The following MZT2A variants were observed in gnomAD, a reference collection of about 807,000 sequenced individuals.
The protein encoded by MZT2A is mitotic-spindle organizing protein 2A.
A neutral mutation model predicts 12.4 loss-of-function variants in MZT2A; 8 were observed. That is an observed-to-expected ratio of 0.64 (90% CI 0.38 to 1.16). The LOEUF (loss-of-function observed/expected upper bound fraction) is 1.16, where lower values mean the gene tolerates loss of function less well. MZT2A is among the 50% of genes most tolerant of loss of function. The probability of loss-of-function intolerance (pLI) is 0.01; values close to 1 mark genes in which losing one functional copy is unlikely to be tolerated. For synonymous variants in MZT2A, 88 were observed against 107.5 expected (o/e 0.82, Z 1.12); for missense variants, 181 against 223.6 (o/e 0.81, Z 1.22).
At chr2:131,476,979 T>A (rs1430841379) in intron 2 of MZT2A, among the ~76,000 whole-genome samples, 7 of 144,478 alleles carry the variant, frequency 4.8e-5, no homozygotes, top group African/African-American at 1.9e-4. Flanking sequence ...GATTCCCAAG[T>A]CCCAAGTCTG....
chr2:131,491,031 C>G (rs1679274791), intron 2 of MZT2A: 2 of 1,303,036 alleles, frequency 1.5e-6, no homozygotes, highest in African/African-American at 1.5e-5. Context: ...AGGCAGCCTG[C>G]TTTCCACGCC....
chr2:131,475,954 T>G, intron 2 of MZT2A: 2 of 698,130 alleles, frequency 2.9e-6, no homozygotes, highest in Admixed American at 3.0e-5. Context: ...TGACCCCCGC[T>G]GCCTTCCCGC....
chr2:131,484,090 C>T lies in MZT2A; in HGVS notation c.448G>A (p.Gly150Arg), dbSNP rs374874707. 8.2e-5 allele frequency: 133 copies of T among 1,613,384 alleles called. No homozygotes were observed. The highest frequency in any genetic ancestry group is 1.1e-4 in the Non-Finnish European group (130 of 1,179,600). The change falls in exon 3 of 3, where the codon GGG (glycine) becomes AGG (arginine). Residue 150 changes from glycine to arginine, a missense_variant. By Grantham distance (125) the Gly-to-Arg change is moderately radical. Transcript: ENST00000309451. Reference sequence around the variant, plus strand: ...GTGCTGCCCTGCGTAGGGCTCTTCCCAGGCCCGCCCCCCTTGGGCAGCCTG... The same window carrying T: ...GTGCTGCCCTGCGTAGGGCTCTTCCTAGGCCCGCCCCCCTTGGGCAGCCTG... ...ATRLPKGGGPGKSPTQGST is the reference protein window; with the variant it reads ...ATRLPKGGGPRKSPTQGST
intron 3 of MZT2A, among the ~76,000 whole-genome samples, chr2:131,471,581 A>G (rs1052683521): frequency 2.6e-5 from 4 of 151,258 alleles, no homozygotes; most frequent in Non-Finnish European, 4.4e-5. Context: ...AATCAGCCAC[A>G]TTTTAACATA....
rs751443290 is a variant in MZT2A, at chr2:131,492,156, C to G, written c.170+51G>C. 4 of 1,536,942 alleles carry G rather than the reference C, an allele frequency of 2.6e-6. No homozygotes were observed. In the African/African-American group the frequency reaches 4.1e-5, roughly 16 times the overall value. On this transcript the variant is annotated intron_variant, in intron 1 of 2. Transcript: ENST00000309451. ...CAGCGGGCCGGGCGTACCCGGAGAG[C>G]AGAGGTCGGGGGTGTCTGGCGAGCA...
At chr2:131,476,774 A>C (rs375692234) in intron 2 of MZT2A, among the ~76,000 whole-genome samples, 2 of 152,034 alleles carry the variant, frequency 1.3e-5, no homozygotes, top group South Asian at 4.2e-4. Context: ...TCTCTACAAA[A>C]AAATACAAAA....
downstream of MZT2A, among the ~76,000 whole-genome samples, chr2:131,483,543 G>A (rs758846080): frequency 2.0e-5 from 3 of 151,876 alleles, no homozygotes; most frequent in Non-Finnish European, 2.9e-5. Context: ...GTGAAACCCC[G>A]TCTCTACTAA....
upstream of MZT2A, among the ~76,000 whole-genome samples, chr2:131,493,685 CA>C (rs34522606): frequency 2.0e-5 from 3 of 151,448 alleles, no homozygotes; most frequent in Non-Finnish European, 4.4e-5. Context: ...CAAAACGAAA[CA>C]AAAAAAACAA....
intron 2 of MZT2A, among the ~76,000 whole-genome samples, chr2:131,484,564 A>C (rs546585195): frequency 1.8e-4 from 27 of 150,776 alleles, no homozygotes; most frequent in African/African-American, 6.6e-4. Context: ...CAGCAAACCT[A>C]GTCTGCCCTG....
At chr2:131,474,440 C>T (rs1165404669) in intron 2 of MZT2A, among the ~76,000 whole-genome samples, 1 of 101,224 alleles carries the variant, frequency 9.9e-6, no homozygotes, top group Non-Finnish European at 1.9e-5. Context: ...GATGGAGTTT[C>T]ACTCTATTGC....
chr2:131,492,954 T>TGGCC (rs1225381048), upstream of MZT2A: 39 of 1,522,928 alleles, frequency 2.6e-5, no homozygotes, highest in Admixed American at 3.2e-4. Flanking sequence ...TTCCCCTCCC[T>TGGCC]GGCCGGCCGG....
chr2:131,482,527 C>G (rs1678895931), downstream of MZT2A: 1 of 1,586,198 alleles, frequency 6.3e-7, no homozygotes, highest in Non-Finnish European at 8.6e-7. Context: ...GCTTCATGGA[C>G]TGCTTTCTTT....
chr2:131,479,188 G>A (rs1053458466), downstream of MZT2A: 1 of 1,431,956 alleles, frequency 7.0e-7, no homozygotes, highest in South Asian at 1.6e-5. Context: ...GTTGACCTAT[G>A]ACATGTAGGT....
At chr2:131,488,859 G>A (rs1453013672) in intron 2 of MZT2A, among the ~76,000 whole-genome samples, 2 of 151,806 alleles carry the variant, frequency 1.3e-5, no homozygotes, top group Non-Finnish European at 2.9e-5. Context: ...ACCCTGAGGG[G>A]CCCAGCACTC....
upstream of MZT2A, chr2:131,492,921 C>G (rs528660011): frequency 6.6e-7 from 1 of 1,520,042 alleles, no homozygotes. Flanking sequence ...CCACTCCCTC[C>G]CCCCGCACTC....
upstream of MZT2A, chr2:131,492,840 A>C: frequency 6.8e-7 from 1 of 1,463,806 alleles, no homozygotes; most frequent in Non-Finnish European, 9.1e-7. Context: ...ATTCCTTGCT[A>C]GGGAGAAAGT....
chr2:131,472,612 C>T (rs1361280379), intron 2 of MZT2A, among the ~76,000 whole-genome samples: 9 of 152,094 alleles, frequency 5.9e-5, no homozygotes, highest in Non-Finnish European at 8.8e-5. Flanking sequence ...ATATTTTTCC[C>T]GTAGCTTTTC....
chr2:131,490,945 G>C lies in MZT2A; in HGVS notation c.319+931C>G, dbSNP rs1679270692. ...AGCAGACAGAGCGAGGGTCAGTGAAGAGGCCAGCACGCAGGTGCCCGGGCC... is the reference window on the plus strand; with the variant it reads ...AGCAGACAGAGCGAGGGTCAGTGAACAGGCCAGCACGCAGGTGCCCGGGCC... On this transcript the variant is annotated intron_variant, in intron 2 of 2. Coordinates refer to ENST00000309451, the MANE Select transcript of MZT2A (RefSeq NM_001085365.2). 3 of 1,549,436 alleles carry C rather than the reference G, an allele frequency of 1.9e-6. No homozygotes were observed. The East Asian group carries it at 7.3e-5, about 38-fold the overall frequency.
intron 2 of MZT2A, chr2:131,489,635 T>G (rs1679206145): frequency 6.5e-6 from 1 of 154,148 alleles, no homozygotes; most frequent in South Asian, 2.1e-4. Context: ...CCCAAAGTGC[T>G]GGGATTACAG....
Sources: gnomAD v4.1 joint callset for allele counts (sites outside exome capture counted in the v4.1 genomes callset) on GRCh38, gnomAD v4.1.1 for gene constraint, MANE v1.5 for transcripts, NCBI Gene and HGNC (gene_info 2026-07-23, HGNC 2026-07-21) for gene names.